The following ZBTB20 variants were observed in gnomAD, a reference collection of about 807,000 sequenced individuals.
ZBTB20 encodes zinc finger and BTB domain containing 20, also known as zinc finger and BTB domain-containing protein 20.
A neutral mutation model predicts 56.9 loss-of-function variants in ZBTB20; 9 were observed. The observed-to-expected ratio is 0.16, with a 90% CI of 0.10 to 0.28. ZBTB20 has a LOEUF of 0.28. Ranked by LOEUF, ZBTB20 falls within the 10% of genes least tolerant of loss-of-function variation. The probability of loss-of-function intolerance (pLI) is 1.00; values close to 1 mark genes in which losing one functional copy is unlikely to be tolerated. For synonymous variants in ZBTB20, 417 were observed against 420.7 expected, an observed-to-expected ratio of 0.99 and a Z score of 0.11; for missense variants, 655 against 1,003.0, an observed-to-expected ratio of 0.65 and a Z score of 4.69.
chr3:114,643,137 G>T (rs1031963706), intron 6 of ZBTB20, among the ~76,000 whole-genome samples: 2 of 151,998 alleles, frequency 1.3e-5, no homozygotes, highest in African/African-American at 4.8e-5. Flanking sequence ...CAGAAAAGGG[G>T]TCATTTTTCC....
At chr3:115,130,029 C>G (rs2084458182) in intron 1 of ZBTB20, among the ~76,000 whole-genome samples, 1 of 152,132 alleles carries the variant, frequency 6.6e-6, no homozygotes, top group Non-Finnish European at 1.5e-5. Flanking sequence ...TTCAGATTTT[C>G]ATTATCATCA....
chr3:114,559,121 A>C (rs1299246846), intron 6 of ZBTB20, among the ~76,000 whole-genome samples: 4 of 152,140 alleles, frequency 2.6e-5, no homozygotes. Flanking sequence ...GTGAGTTCTG[A>C]TCACTATTGT....
At chr3:114,560,540 G>C (rs1391364968) in intron 6 of ZBTB20, among the ~76,000 whole-genome samples, 1 of 152,184 alleles carries the variant, frequency 6.6e-6, no homozygotes, top group African/African-American at 2.4e-5. Context: ...TATCCCACCT[G>C]TCTGATGCCA....
intron 6 of ZBTB20, among the ~76,000 whole-genome samples, chr3:114,613,885 T>C (rs1254875097): frequency 1.3e-5 from 2 of 152,152 alleles, no homozygotes; most frequent in Admixed American, 6.5e-5. Context: ...CAGCTGTTTA[T>C]TGAGTGCTTA....
chr3:114,745,269 C>T (rs112870917), intron 5 of ZBTB20, among the ~76,000 whole-genome samples: 70 of 152,278 alleles, frequency 4.6e-4, no homozygotes, highest in African/African-American at 1.7e-3. Flanking sequence ...ACAAACAATG[C>T]TTACCATGAA....
chr3:115,010,348 C>A (rs2079647773), intron 2 of ZBTB20, among the ~76,000 whole-genome samples: 1 of 151,930 alleles, frequency 6.6e-6, no homozygotes, highest in Non-Finnish European at 1.5e-5. Flanking sequence ...CAGGTCTGAC[C>A]CAACACAGTC....
chr3:114,881,846 C>T (rs2076411453), intron 4 of ZBTB20, among the ~76,000 whole-genome samples: 1 of 151,604 alleles, frequency 6.6e-6, no homozygotes, highest in East Asian at 1.9e-4. Flanking sequence ...TTTTCATTCT[C>T]AAAAATAAGT....
intron 4 of ZBTB20, among the ~76,000 whole-genome samples, chr3:114,813,609 C>T (rs963437342): frequency 2.6e-5 from 4 of 152,112 alleles, no homozygotes; most frequent in Admixed American, 6.5e-5. Flanking sequence ...AAATTAGCTG[C>T]GCATGGTGGC....
intron 1 of ZBTB20, among the ~76,000 whole-genome samples, chr3:115,096,338 T>C (rs1428682404): frequency 6.6e-6 from 1 of 152,218 alleles, no homozygotes; most frequent in African/African-American, 2.4e-5. Context: ...TTTTCAGTGC[T>C]TTGTGACTTC....
chr3:115,030,085 G>A (rs566780289), intron 2 of ZBTB20, among the ~76,000 whole-genome samples: 2 of 150,970 alleles, frequency 1.3e-5, no homozygotes, highest in African/African-American at 2.4e-5. Flanking sequence ...AGTGTTAAAC[G>A]GAGAAATTGT....
intron 7 of ZBTB20, among the ~76,000 whole-genome samples, chr3:114,390,981 C>T (rs1521068): frequency 0.53 from 80,140 of 151,742 alleles, 21,754 homozygotes; most frequent in African/African-American, 0.66. Context: ...GAGTCATCTT[C>T]AATTCTTCCG....
At chr3:114,898,203 T>C (rs1213896246) in intron 4 of ZBTB20, among the ~76,000 whole-genome samples, 2 of 152,118 alleles carry the variant, frequency 1.3e-5, no homozygotes, top group Non-Finnish European at 2.9e-5. Context: ...CATAAGCCAG[T>C]GCTCAGGAAA....
Position 114,337,357 on chromosome 3 carries a change from C to T in ZBTB20, c.*1648G>A, listed in dbSNP as rs1377742702. 1 of 152,006 alleles carries T rather than the reference C, an allele frequency of 6.6e-6. No homozygotes were observed. Among genetic ancestry groups the T allele is most frequent in the Non-Finnish European group, 1.5e-5 (1 of 68,002 alleles). The allele number at this position is 152,006 out of a possible 1,614,324, so 9.4% of individuals were successfully genotyped here. On this transcript the variant is annotated 3_prime_UTR_variant, in exon 12 of 12. Coordinates refer to ENST00000675478, the MANE Select transcript of ZBTB20 (RefSeq NM_001348800.3). ...GTGAACTCCTCTTCCTGGCTGATCA[C>T]AAAAGAAAAGACCCCATTTATCAAG...
At chr3:114,679,073 T>A (rs1210010111) in intron 6 of ZBTB20, among the ~76,000 whole-genome samples, 1 of 152,198 alleles carries the variant, frequency 6.6e-6, no homozygotes, top group Admixed American at 6.5e-5. Flanking sequence ...GAAAACTGGC[T>A]AGTCATATGC....
At chr3:114,910,074 A>G (rs2075470167) in intron 3 of ZBTB20, among the ~76,000 whole-genome samples, 1 of 151,988 alleles carries the variant, frequency 6.6e-6, no homozygotes, top group Non-Finnish European at 1.5e-5. Flanking sequence ...ATAAAATTAA[A>G]AAGAAAAAAC....
chr3:115,101,868 A>G (rs2083594597), intron 1 of ZBTB20, among the ~76,000 whole-genome samples: 1 of 152,176 alleles, frequency 6.6e-6, no homozygotes, highest in African/African-American at 2.4e-5. Context: ...CCTTGAAACA[A>G]CAGCTTCAAT....
chr3:114,819,202 A>G (rs536824863), intron 4 of ZBTB20, among the ~76,000 whole-genome samples: 24 of 152,118 alleles, frequency 1.6e-4, no homozygotes, highest in Non-Finnish European at 2.9e-4. Context: ...CTATATGAAT[A>G]AAAAGATACA....
At chr3:114,957,110 TAC>T (rs2077273312) in intron 3 of ZBTB20, among the ~76,000 whole-genome samples, 1 of 152,200 alleles carries the variant, frequency 6.6e-6, no homozygotes, top group Admixed American at 6.5e-5. Context: ...GGACAATAGT[TAC>T]ACATGAAAAT....
At position 114,933,947 on chromosome 3, in the gene ZBTB20, C is replaced by T. The variant is rs180931985; in HGVS notation, c.-455-33605G>A. On this transcript the variant is annotated intron_variant, in intron 3 of 11. Coordinates refer to ENST00000675478, the MANE Select transcript of ZBTB20 (RefSeq NM_001348800.3). ...TAAAGGTCATCAGATCAATTTTTTG[C>T]TACCTCCATTGCACTGCATTCAGAA... Among the ~76,000 whole-genome samples the T allele has an allele frequency of 1.6e-4, 24 of 152,288 alleles. No individual in the cohort carries two copies. The East Asian group carries it at 2.3e-3, about 15-fold the overall frequency.
Sources: allele counts gnomAD v4.1 joint callset (sites outside exome capture counted in the v4.1 genomes callset), GRCh38; gene constraint gnomAD v4.1.1; transcripts MANE v1.5; gene names NCBI Gene and HGNC (gene_info 2026-07-23, HGNC 2026-07-21).